Variants in NEDD4 observed in about 807,000 individuals in gnomAD.
The protein encoded by NEDD4 is NEDD4 E3 ubiquitin protein ligase, also known as E3 ubiquitin-protein ligase NEDD4.
A neutral mutation model predicts 144.9 loss-of-function variants in NEDD4; 99 were observed. That is an observed-to-expected ratio of 0.68 (90% CI 0.58 to 0.81). The LOEUF (loss-of-function observed/expected upper bound fraction) is 0.81. Ranked by LOEUF, NEDD4 falls within the 30% of genes least tolerant of loss-of-function variation. The probability of loss-of-function intolerance (pLI) is 0.00; values close to 1 mark genes in which losing one functional copy is unlikely to be tolerated. For synonymous variants in NEDD4, 318 were observed against 350.6 expected (o/e 0.91, Z 1.04); for missense variants, 985 against 1,065.9 (o/e 0.92, Z 1.06).
intron 4 of NEDD4, among the ~76,000 whole-genome samples, chr15:55,941,741 C>G (rs766369922): frequency 6.6e-6 from 1 of 151,938 alleles, no homozygotes; most frequent in African/African-American, 2.4e-5. Context: ...TTTTTGTATA[C>G]TTTTTTTCTT....
At position 55,916,194 on chromosome 15, in the gene NEDD4, T is replaced by C. The variant is rs754915551; in HGVS notation, c.291+8452A>G. The C allele has an allele frequency of 9.9e-6, 16 of 1,613,902 alleles. No individual in the cohort carries two copies. Among genetic ancestry groups the C allele is most frequent in the East Asian group, 4.5e-5 (2 of 44,886 alleles). On this transcript the variant is annotated intron_variant, in intron 5 of 28. Transcript: ENST00000435532. ...AGTATTCCTGTTTGGCACACTTCTATTGGAGGTGCTGTCAGAAGGTAAGTT... is the reference window on the plus strand; with the variant it reads ...AGTATTCCTGTTTGGCACACTTCTACTGGAGGTGCTGTCAGAAGGTAAGTT...
chr15:55,838,441 T>G (rs1595729016), intron 22 of NEDD4, 68 bp downstream of exon 22: 2 of 1,053,170 alleles, frequency 1.9e-6, no homozygotes, highest in Non-Finnish European at 2.9e-6. Context: ...GTATTAAGTG[T>G]ACGTATTAAC....
Position 55,902,294 on chromosome 15 carries a change from G to A in NEDD4, c.291+22352C>T, listed in dbSNP as rs562241136. The stretch of plus-strand genomic sequence containing the variant: ...TAGACAGATGCAAGTCAAAAGAGAT[G>A]TATCCATCTTGAATTTTGTCAATAC... On this transcript the variant is annotated intron_variant, in intron 5 of 28. Transcript: ENST00000435532. Among the ~76,000 whole-genome samples the A allele has an allele frequency of 1.1e-4, 16 of 152,272 alleles. No homozygotes were observed. In the South Asian group the frequency reaches 3.3e-3, roughly 32 times the overall value.
At chr15:55,892,245 C>T (rs978742041) in intron 5 of NEDD4, among the ~76,000 whole-genome samples, 5 of 149,448 alleles carry the variant, frequency 3.3e-5, no homozygotes, top group African/African-American at 4.9e-5. Context: ...CCAGCCTAGG[C>T]AAAAGAGCAA....
At chr15:55,858,978 C>A (rs1486645706) in intron 11 of NEDD4, among the ~76,000 whole-genome samples, 1 of 152,086 alleles carries the variant, frequency 6.6e-6, no homozygotes, top group African/African-American at 2.4e-5. Flanking sequence ...TTTGGCCCAC[C>A]GGTTGTAGTT....
intron 4 of NEDD4, among the ~76,000 whole-genome samples, chr15:55,948,874 C>A (rs1372780083): frequency 6.6e-6 from 1 of 152,144 alleles, no homozygotes; most frequent in African/African-American, 2.4e-5. Context: ...CAGGCAGTAC[C>A]ATTCAGGACA....
intron 18 of NEDD4, among the ~76,000 whole-genome samples, chr15:55,846,136 A>T (rs1054508251): frequency 4.9e-4 from 74 of 152,128 alleles, no homozygotes; most frequent in African/African-American, 1.7e-3. Flanking sequence ...ATATTTAAGG[A>T]TTTTATTAGG....
chr15:55,931,407 G>A (rs193053200), intron 4 of NEDD4, among the ~76,000 whole-genome samples: 3 of 152,226 alleles, frequency 2.0e-5, no homozygotes, highest in Admixed American at 2.0e-4. Context: ...TTAAAACTAT[G>A]TGCAAATTCT....
intron 6 of NEDD4, 89 bp downstream of exon 6, chr15:55,873,869 A>G (rs2034895332): frequency 9.0e-6 from 5 of 557,676 alleles, no homozygotes; most frequent in Non-Finnish European, 1.5e-5. Context: ...TGATAAATCA[A>G]TTATTTACAG....
chr15:55,953,059 G>C (rs998272578), intron 2 of NEDD4, among the ~76,000 whole-genome samples: 3 of 149,512 alleles, frequency 2.0e-5, no homozygotes, highest in African/African-American at 7.4e-5. Flanking sequence ...GTGCAGTCTT[G>C]GCTCACTGCA....
At chr15:55,837,903 A>C (rs2033287180) in intron 23 of NEDD4, 54 bp from the exon 24 acceptor site, 3 of 1,416,652 alleles carry the variant, frequency 2.1e-6, no homozygotes, top group Admixed American at 1.8e-5. Flanking sequence ...ATTCTGAGGC[A>C]CAATTATTCT....
In NEDD4 at chr15:55,848,280, C is replaced by T. The variant is rs895633411; in HGVS notation, c.1542+92G>A. The T allele has an allele frequency of 8.1e-5, 98 of 1,213,118 alleles. 1 individual carries two copies. The East Asian group carries it at 2.3e-3, about 28-fold the overall frequency. The allele number at this position is 1,213,118 out of a possible 1,614,324, so 75.1% of individuals were successfully genotyped here. A position where few individuals can be genotyped will look rare whatever the true frequency, so the allele number is the denominator to read the frequency against. On this transcript the variant is annotated intron_variant, in intron 17 of 28. Coordinates refer to ENST00000435532, the MANE Select transcript of NEDD4 (RefSeq NM_006154.4). ...GAGAACGGCCAATGTGCTTTCCTCT[C>T]AATGCCTGTAGGGTTATGCCCGTGA...
chr15:55,956,631 C>T (rs78916693), intron 2 of NEDD4, among the ~76,000 whole-genome samples: 4,414 of 152,146 alleles, frequency 0.029, 73 homozygotes, highest in Non-Finnish European at 0.035. Context: ...CACACACATG[C>T]GCATGTATTT....
intron 4 of NEDD4, among the ~76,000 whole-genome samples, chr15:55,928,348 C>T (rs1165190588): frequency 6.6e-5 from 10 of 152,100 alleles, no homozygotes; most frequent in African/African-American, 1.2e-4. Context: ...GTACTGTAAT[C>T]GGACTTACCT....
intron 17 of NEDD4, 63 bp from the exon 18 acceptor site, chr15:55,847,097 TA>T (rs2033782475): frequency 1.8e-6 from 2 of 1,108,930 alleles, no homozygotes; most frequent in South Asian, 3.0e-5. Flanking sequence ...GAACAATTTT[TA>T]TTTGTTGTAT....
chr15:55,869,889 A>AAATAAATAAATC (rs58734138), intron 7 of NEDD4, among the ~76,000 whole-genome samples: 43,764 of 149,764 alleles, frequency 0.29, 6,693 homozygotes, highest in South Asian at 0.43. Context: ...ATAAATAAAT[A>AAATAAATAAATC]AATAATTGTT....
Position 55,880,305 on chromosome 15 carries a change from T to C in NEDD4, c.292-6297A>G, listed in dbSNP as rs796582007. Among the ~76,000 whole-genome samples the C allele has an allele frequency of 6.0e-5, 9 of 150,808 alleles. No homozygotes were observed. The East Asian group carries it at 9.8e-4, about 16-fold the overall frequency. On this transcript the variant is annotated intron_variant, in intron 5 of 28. Transcript: ENST00000435532. ...AGACCCCGTCTCCAAAAAAAAAGAA[T>C]AAAAAGGCCCACTGAATATTAGGCA... is the stretch of plus-strand genomic sequence containing the variant.
intron 7 of NEDD4, among the ~76,000 whole-genome samples, chr15:55,869,954 A>G (rs1412427494): frequency 6.6e-6 from 1 of 152,196 alleles, no homozygotes; most frequent in Non-Finnish European, 1.5e-5. Context: ...GACAATGTCA[A>G]AGAGAAGCTG....
At chr15:55,979,277 A>G (rs2037757414) in intron 1 of NEDD4, among the ~76,000 whole-genome samples, 1 of 151,250 alleles carries the variant, frequency 6.6e-6, no homozygotes. Context: ...ACACAGAAAG[A>G]TTAGAAGGAA....
Sources: allele counts gnomAD v4.1 joint callset (sites outside exome capture counted in the v4.1 genomes callset), GRCh38; gene constraint gnomAD v4.1.1; transcripts MANE v1.5; gene names NCBI Gene and HGNC (gene_info 2026-07-23, HGNC 2026-07-21).